The following CCDC18 variants were observed in gnomAD, a reference collection of about 807,000 sequenced individuals.
The protein encoded by CCDC18 is coiled-coil domain containing 18.
Under a neutral mutation model 196.0 loss-of-function variants are expected in CCDC18, and 157 were observed. That is an observed-to-expected ratio of 0.80 (90% CI 0.70 to 0.91). The LOEUF is 0.91. Among genes scored for constraint, CCDC18 ranks in the 40% least tolerant of loss-of-function variants. The pLI is 0.00. For missense variants in CCDC18, 1,465 were observed against 1,611.6 expected (o/e 0.91, Z 1.56); for synonymous variants, 482 against 529.2 (o/e 0.91, Z 1.22).
Position 93,217,633 on chromosome 1 carries a change from C to A in CCDC18, c.1831-105C>A, listed in dbSNP as rs1377322390. 2.5e-5 allele frequency: 22 copies of A among 892,546 alleles called. No homozygotes were observed. In the East Asian group the frequency reaches 4.9e-4, roughly 20 times the overall value. The allele number at this position is 892,546 out of a possible 1,614,324, so 55.3% of individuals were successfully genotyped here. Reference sequence around the variant, plus strand: ...TTTGTATTTTTCATAGAGACGGGGTCTTGCCGTGTTTCCCAGGCTAGTCTT... The same window carrying A: ...TTTGTATTTTTCATAGAGACGGGGTATTGCCGTGTTTCCCAGGCTAGTCTT... On this transcript the variant is annotated intron_variant, in intron 13 of 28. Coordinates refer to ENST00000690025, the MANE Select transcript of CCDC18 (RefSeq NM_001378204.1).
At chr1:93,186,238 G>A in intron 3 of CCDC18, 107 bp from the exon 4 acceptor site, 1 of 1,009,566 alleles carries the variant, frequency 9.9e-7, no homozygotes, top group Non-Finnish European at 1.5e-6. Flanking sequence ...CTCATTTTCT[G>A]AGCTGCTTCG....
chr1:93,264,126 G>A (rs1008631033), intron 26 of CCDC18, among the ~76,000 whole-genome samples: 2 of 152,044 alleles, frequency 1.3e-5, no homozygotes, highest in Non-Finnish European at 2.9e-5. Flanking sequence ...AGAGCAAGAG[G>A]GGAAGTGTCA....
intron 4 of CCDC18, among the ~76,000 whole-genome samples, chr1:93,191,365 A>G (rs1353091021): frequency 2.0e-5 from 3 of 152,140 alleles, no homozygotes; most frequent in Admixed American, 2.0e-4. Context: ...GAAAAAGAGG[A>G]TGACTGTTAC....
intron 24 of CCDC18, 44 bp downstream of exon 24, chr1:93,254,658 T>C (rs777193461): frequency 2.6e-6 from 4 of 1,537,862 alleles, no homozygotes; most frequent in Non-Finnish European, 3.6e-6. Context: ...GTAGTCTCTG[T>C]TGAGTGAAAT....
At chr1:93,273,647 A>G (rs1665478914) in intron 28 of CCDC18, 1 of 152,226 alleles carries the variant, frequency 6.6e-6, no homozygotes, top group African/African-American at 2.4e-5. Context: ...ATGACAAACA[A>G]AAAGTACCAT....
intron 11 of CCDC18, among the ~76,000 whole-genome samples, chr1:93,213,088 G>C (rs957047632): frequency 2.0e-5 from 3 of 152,154 alleles, no homozygotes; most frequent in African/African-American, 7.2e-5. Flanking sequence ...AATCTGACAG[G>C]AGGTAGAGCT....
Position 93,221,845 on chromosome 1 carries a change from C to G in CCDC18, c.2098-14C>G. On this transcript the variant is annotated splice_polypyrimidine_tract_variant and intron_variant, in intron 15 of 28. Transcript: ENST00000690025. The stretch of plus-strand genomic sequence containing the variant: ...ATCAAATCTGCATACTTATACTTTT[C>G]TTACTGTTTTTAGGAAATGAAAAAG... The G allele has an allele frequency of 2.5e-6, 4 of 1,590,962 alleles. No homozygotes were observed. Among genetic ancestry groups the G allele is most frequent in the Non-Finnish European group, 3.4e-6 (4 of 1,167,648 alleles).
At chr1:93,212,016 C>A (rs1257850163) in intron 10 of CCDC18, 85 bp from the exon 11 acceptor site, 3 of 1,184,672 alleles carry the variant, frequency 2.5e-6, no homozygotes, top group African/African-American at 3.2e-5. Context: ...TTTTTTAAAT[C>A]AACTTGAAAG....
At chr1:93,277,455 C>T (rs578212065) in intron 28 of CCDC18, among the ~76,000 whole-genome samples, 9 of 114,126 alleles carry the variant, frequency 7.9e-5, no homozygotes, top group East Asian at 4.5e-4. Context: ...TGCGGCCTTC[C>T]GCAGTTTTTG....
intron 23 of CCDC18, among the ~76,000 whole-genome samples, chr1:93,248,010 T>C (rs986310666): frequency 1.2e-3 from 76 of 62,374 alleles, no homozygotes; most frequent in African/African-American, 7.0e-3. Context: ...ATTTTCCTTC[T>C]TTTTTTTTTT....
rs185127229 is a variant in CCDC18, at chr1:93,210,877, C to T, written c.1285C>T (p.Arg429Cys). Residue 429 changes from arginine (R) to cysteine (C), a missense_variant, in exon 10 of 29, where the codon CGT (arginine) becomes TGT (cysteine). Physicochemically the swap from Arg to Cys is radical, Grantham distance 180. Coordinates refer to ENST00000690025, the MANE Select transcript of CCDC18 (RefSeq NM_001378204.1). ...GAGTAGCTTCTCAAACAAGGAAGAC[C>T]GTTGCATTGGCTGCTGTGAGGCAAA... ...QMSSFSNKEDRCIGCCEANKL... is the reference protein window; with the variant it reads ...QMSSFSNKEDCCIGCCEANKL... 9.0e-4 allele frequency: 1,450 copies of T among 1,613,328 alleles called. 7 individuals carry two copies. The African/African-American group carries it at 0.015, about 16-fold the overall frequency.
At chr1:93,222,007 TTG>T in intron 16 of CCDC18, 71 bp downstream of exon 16, 1 of 1,069,092 alleles carries the variant, frequency 9.4e-7, no homozygotes, top group Non-Finnish European at 1.3e-6. Flanking sequence ...TCTCTCTCAT[TTG>T]CCTAGGCTGG....
At chr1:93,256,963 C>T (rs1203272268) in intron 25 of CCDC18, among the ~76,000 whole-genome samples, 1 of 152,024 alleles carries the variant, frequency 6.6e-6, no homozygotes, top group South Asian at 2.1e-4. Flanking sequence ...CACGGTGGCT[C>T]ATACCTGTAA....
chr1:93,236,124 A>G (rs1660042012), intron 18 of CCDC18, 124 bp from the exon 19 acceptor site: 1 of 738,386 alleles, frequency 1.4e-6, no homozygotes, highest in African/African-American at 1.9e-5. Context: ...TATTTTCCAA[A>G]CATTACTTCT....
intron 10 of CCDC18, among the ~76,000 whole-genome samples, chr1:93,211,523 A>G (rs1185174601): frequency 2.0e-5 from 3 of 152,186 alleles, no homozygotes; most frequent in African/African-American, 4.8e-5. Flanking sequence ...AGTATCCACC[A>G]TCATGAATTG....
At chr1:93,234,797 T>TTTTGTTTTGTTTTGTTTTG (rs1459550926) in intron 18 of CCDC18, among the ~76,000 whole-genome samples, 2 of 151,790 alleles carry the variant, frequency 1.3e-5, no homozygotes, top group African/African-American at 4.8e-5. Flanking sequence ...TTTTGTTTTG[T>TTTTGTTTTGTTTTGTTTTG]TTTGAGACCG....
At chr1:93,230,769 A>G (rs1230153184) in intron 17 of CCDC18, among the ~76,000 whole-genome samples, 1 of 152,092 alleles carries the variant, frequency 6.6e-6, no homozygotes. Flanking sequence ...TGAATAGGTA[A>G]GTATGAAACA....
chr1:93,236,306 G>C lies in CCDC18; in HGVS notation c.2519G>C (p.Arg840Thr). Reference sequence around the variant, plus strand: ...AGGGAAAGTTCAGCTGAAAAGTTGAGAAAAATGGAGGAGAAATGTGAATCA... The same window carrying C: ...AGGGAAAGTTCAGCTGAAAAGTTGACAAAAATGGAGGAGAAATGTGAATCA... The part of the protein sequence containing the change: ...KQRESSAEKL[R>T]KMEEKCESAA... Residue 840 changes from arginine to threonine, a missense_variant, in exon 19 of 29, where the codon AGA (arginine) becomes ACA (threonine). Transcript: ENST00000690025. The C allele has an allele frequency of 1.3e-6, 2 of 1,576,652 alleles. No homozygotes were observed. Among genetic ancestry groups the C allele is most frequent in the Non-Finnish European group, 1.7e-6 (2 of 1,168,548 alleles).
chr1:93,228,846 T>C (rs1658813779), intron 17 of CCDC18, among the ~76,000 whole-genome samples: 5 of 152,228 alleles, frequency 3.3e-5, no homozygotes. Flanking sequence ...TGTTGAGCTT[T>C]AGACTTTGCA....
Sources: gnomAD v4.1 joint callset for allele counts (sites outside exome capture counted in the v4.1 genomes callset) on GRCh38, gnomAD v4.1.1 for gene constraint, MANE v1.5 for transcripts, NCBI Gene and HGNC (gene_info 2026-07-23, HGNC 2026-07-21) for gene names.